ABCC4: variants seen among roughly 807,000 people sequenced by gnomAD.
The protein encoded by ABCC4 is ATP-binding cassette sub-family C member 4.
ABCC4 carries 102 observed loss-of-function variants against 168.5 expected under a neutral mutation model. The observed-to-expected ratio is 0.61, with a 90% CI of 0.52 to 0.71. The LOEUF (loss-of-function observed/expected upper bound fraction) is 0.71, where lower values mean the gene tolerates loss of function less well. ABCC4 is among the 30% of genes least tolerant of loss of function. The probability of loss-of-function intolerance (pLI) is 0.00; values close to 1 mark genes in which losing one functional copy is unlikely to be tolerated. For missense variants in ABCC4, 1,402 were observed against 1,605.8 expected, an observed-to-expected ratio of 0.87 and a Z score of 2.17; for synonymous variants, 617 against 590.7, an observed-to-expected ratio of 1.04 and a Z score of -0.65.
chr13:95,119,416 A>C (rs1192364906), intron 19 of ABCC4, among the ~76,000 whole-genome samples: 2 of 152,218 alleles, frequency 1.3e-5, no homozygotes, highest in Non-Finnish European at 2.9e-5. Context: ...AGTTATGAGC[A>C]CACTAAAATT....
chr13:95,285,805 T>C (rs984062425), intron 1 of ABCC4, among the ~76,000 whole-genome samples: 11 of 151,734 alleles, frequency 7.2e-5, no homozygotes, highest in Non-Finnish European at 1.6e-4. Flanking sequence ...AAAAGGAGAG[T>C]ATTAAATGCC....
intron 25 of ABCC4, among the ~76,000 whole-genome samples, chr13:95,066,673 T>C (rs2033558966): frequency 1.3e-5 from 2 of 152,164 alleles, no homozygotes; most frequent in Non-Finnish European, 2.9e-5. Flanking sequence ...CGAGGCTTAG[T>C]AAGATTGATT....
intron 5 of ABCC4, 41 bp downstream of exon 5, chr13:95,210,651 T>G: frequency 6.8e-7 from 1 of 1,477,556 alleles, no homozygotes; most frequent in Non-Finnish European, 9.5e-7. Context: ...GAAAGAGGGG[T>G]GTTTAATGCA....
chr13:95,229,125 T>G (rs898736984), intron 4 of ABCC4, among the ~76,000 whole-genome samples: 2 of 152,110 alleles, frequency 1.3e-5, no homozygotes, highest in Non-Finnish European at 2.9e-5. Context: ...CCACACAGTA[T>G]CACATAAATG....
chr13:95,208,690 G>A (rs1017123407), intron 6 of ABCC4, among the ~76,000 whole-genome samples: 9 of 132,226 alleles, frequency 6.8e-5, no homozygotes, highest in African/African-American at 2.7e-4. Context: ...GCATAATATC[G>A]GCTCACTGCA....
At chr13:95,082,418 G>A (rs990329756) in intron 21 of ABCC4, among the ~76,000 whole-genome samples, 2 of 152,126 alleles carry the variant, frequency 1.3e-5, no homozygotes, top group African/African-American at 2.4e-5. Context: ...AAATTGAAGA[G>A]AGCAACAGAC....
chr13:95,021,922 T>A (rs1413418263), intron 30 of ABCC4, among the ~76,000 whole-genome samples: 1 of 152,230 alleles, frequency 6.6e-6, no homozygotes, highest in Non-Finnish European at 1.5e-5. Context: ...ATCACTCTGA[T>A]TCATAGATAT....
chr13:95,247,695 A>G lies in ABCC4; in HGVS notation c.133T>C (p.Tyr45His). The G allele has an allele frequency of 6.2e-7, 1 of 1,614,098 alleles. No individual in the cohort carries two copies. The highest frequency in any genetic ancestry group is 8.5e-7 in the Non-Finnish European group (1 of 1,180,022). The change falls in exon 2 of 31, where the codon TAT becomes CAT. Residue 45 changes from tyrosine to histidine, a missense_variant. By Grantham distance (83) the Tyr-to-His change is moderately conservative. This residue lies in a region of ABCC4 where 317 missense variants were observed against 345.5 expected (regional missense o/e 0.92). Coordinates refer to ENST00000645237, the MANE Select transcript of ABCC4 (RefSeq NM_005845.5). ...GAGCGGTCTTCTGGCAGCACTGAATACATATCATCTTCCTCTAATCTCCGT... is the reference window on the plus strand; with the variant it reads ...GAGCGGTCTTCTGGCAGCACTGAATGCATATCATCTTCCTCTAATCTCCGT... The part of the protein sequence containing the change: ...HKRRLEEDDM[Y>H]SVLPEDRSQH...
At chr13:95,091,530 T>G (rs2034433980) in intron 20 of ABCC4, among the ~76,000 whole-genome samples, 1 of 152,208 alleles carries the variant, frequency 6.6e-6, no homozygotes. Flanking sequence ...CCAAGAATTT[T>G]GCATCCAGTG....
intron 18 of ABCC4, 36 bp from the exon 19 acceptor site, chr13:95,161,371 T>C (rs1316510200): frequency 6.8e-7 from 1 of 1,475,138 alleles, no homozygotes; most frequent in East Asian, 2.4e-5. Context: ...GAACACAGCA[T>C]ATCTCTGCAT....
intron 4 of ABCC4, 132 bp downstream of exon 4, chr13:95,234,478 G>A: frequency 1.5e-6 from 1 of 658,932 alleles, no homozygotes; most frequent in South Asian, 2.5e-5. Context: ...TTTTTTTAGA[G>A]ACAGGGTCTT....
intron 19 of ABCC4, among the ~76,000 whole-genome samples, chr13:95,119,057 C>A (rs527758351): frequency 2.4e-4 from 36 of 152,278 alleles, no homozygotes; most frequent in African/African-American, 8.4e-4. Context: ...TCTCTGAATG[C>A]CTGGTAGCCA....
At chr13:95,148,354 C>T (rs1018391421) in intron 19 of ABCC4, among the ~76,000 whole-genome samples, 5 of 152,000 alleles carry the variant, frequency 3.3e-5, no homozygotes, top group Non-Finnish European at 7.4e-5. Flanking sequence ...TAAAGTCATG[C>T]TTTTTACCAA....
chr13:95,202,008 G>A (rs2038642210), intron 8 of ABCC4, among the ~76,000 whole-genome samples: 1 of 152,162 alleles, frequency 6.6e-6, no homozygotes, highest in Non-Finnish European at 1.5e-5. Flanking sequence ...AATTTTATGT[G>A]TCAGCTTGGC....
chr13:95,215,161 C>T (rs1170406172), intron 4 of ABCC4, among the ~76,000 whole-genome samples: 1 of 152,192 alleles, frequency 6.6e-6, no homozygotes, highest in Non-Finnish European at 1.5e-5. Flanking sequence ...TAGCTCATGC[C>T]TGTTATCCCA....
At chr13:95,168,376 T>G (rs2037354605) in intron 14 of ABCC4, among the ~76,000 whole-genome samples, 1 of 152,198 alleles carries the variant, frequency 6.6e-6, no homozygotes, top group Non-Finnish European at 1.5e-5. Context: ...CAGTTCTGCC[T>G]TCGATAATCC....
At chr13:95,194,687 T>G (rs1181642972) in intron 9 of ABCC4, 149 bp downstream of exon 9, 3 of 577,572 alleles carry the variant, frequency 5.2e-6, no homozygotes, top group Non-Finnish European at 8.8e-6. Flanking sequence ...ATTGCAAAAC[T>G]TACTCCTAAT....
chr13:95,112,616 C>T (rs919353709), intron 20 of ABCC4, among the ~76,000 whole-genome samples: 2 of 152,126 alleles, frequency 1.3e-5, no homozygotes, highest in African/African-American at 4.8e-5. Context: ...TCTGATGATA[C>T]GTAGTTCCCC....
intron 8 of ABCC4, among the ~76,000 whole-genome samples, chr13:95,195,530 A>C (rs2038388747): frequency 6.6e-6 from 1 of 152,220 alleles, no homozygotes; most frequent in Admixed American, 6.5e-5. Flanking sequence ...CATACAACTT[A>C]ATTCACTATC....
Sources: gnomAD v4.1 joint callset for allele counts (sites outside exome capture counted in the v4.1 genomes callset) on GRCh38, gnomAD v4.1.1 for gene constraint, gnomAD v4.1.1 regional missense constraint, MANE v1.5 for transcripts, NCBI Gene and HGNC (gene_info 2026-07-23, HGNC 2026-07-21) for gene names.